SEMA6D: variants seen among roughly 807,000 people sequenced by gnomAD.
SEMA6D encodes semaphorin 6D.
In SEMA6D, 35 loss-of-function variants were observed where a neutral mutation model predicts 106.6. The observed-to-expected ratio is 0.33, with a 90% CI of 0.25 to 0.44. The LOEUF is 0.44. Ranked by LOEUF, SEMA6D falls within the 20% of genes least tolerant of loss-of-function variation. The probability of loss-of-function intolerance (pLI) is 1.00; values close to 1 mark genes in which losing one functional copy is unlikely to be tolerated. For synonymous variants in SEMA6D, 499 were observed against 487.7 expected (o/e 1.02, Z -0.31); for missense variants, 1,185 against 1,345.9 (o/e 0.88, Z 1.87).
rs748221359 is a variant in SEMA6D, at chr15:47,604,986, G to A, written c.-55+4090G>A. ...CTCCCAAAGTGCTGGGATTACAGGC[G>A]TGAGCCACTGCACCCGGCCTCACTG... On this transcript the variant is annotated intron_variant, in intron 4 of 19. Transcript: ENST00000558014. 3.3e-5 allele frequency among the ~76,000 whole-genome samples: 5 copies of A among 152,054 alleles called. No individual in the cohort carries two copies. In the South Asian group the frequency reaches 8.3e-4, roughly 25 times the overall value.
chr15:47,677,589 A>G (rs766069232), intron 4 of SEMA6D, among the ~76,000 whole-genome samples: 13 of 152,258 alleles, frequency 8.5e-5, no homozygotes, highest in Non-Finnish European at 1.9e-4. Flanking sequence ...AGTTTGCCAT[A>G]GTTACTGCTT....
At chr15:47,524,308 TG>T (rs2044682833) in intron 3 of SEMA6D, among the ~76,000 whole-genome samples, 1 of 152,130 alleles carries the variant, frequency 6.6e-6, no homozygotes, top group Non-Finnish European at 1.5e-5. Flanking sequence ...GACTGGGAAT[TG>T]TGCGGGAGAA....
At chr15:47,483,078 C>T (rs2043198342) in intron 3 of SEMA6D, among the ~76,000 whole-genome samples, 1 of 151,918 alleles carries the variant, frequency 6.6e-6, no homozygotes, top group Non-Finnish European at 1.5e-5. Flanking sequence ...TTGATAAGTA[C>T]AGTAAAAGTT....
At chr15:47,593,578 C>T (rs1427201427) in intron 3 of SEMA6D, among the ~76,000 whole-genome samples, 1 of 151,530 alleles carries the variant, frequency 6.6e-6, no homozygotes, top group Non-Finnish European at 1.5e-5. Flanking sequence ...ATTCTCCCTT[C>T]TTTAAAAATT....
intron 1 of SEMA6D, among the ~76,000 whole-genome samples, chr15:47,757,317 C>T (rs1282304295): frequency 6.6e-6 from 1 of 152,140 alleles, no homozygotes; most frequent in Non-Finnish European, 1.5e-5. Context: ...ATTATTTTTC[C>T]TGATATCCAG....
At chr15:47,402,658 A>G (rs2040434109) in intron 1 of SEMA6D, among the ~76,000 whole-genome samples, 1 of 151,304 alleles carries the variant, frequency 6.6e-6, no homozygotes, top group South Asian at 2.1e-4. Flanking sequence ...CATTGTACGT[A>G]TAGATCTGTT....
At chr15:47,655,173 A>G (rs1159310862) in intron 4 of SEMA6D, among the ~76,000 whole-genome samples, 1 of 152,202 alleles carries the variant, frequency 6.6e-6, no homozygotes, top group Non-Finnish European at 1.5e-5. Flanking sequence ...ATTTTCTTGA[A>G]TGGTTTCTAC....
intron 2 of SEMA6D, among the ~76,000 whole-genome samples, chr15:47,466,683 G>A (rs1261482823): frequency 6.6e-6 from 1 of 150,912 alleles, no homozygotes; most frequent in Non-Finnish European, 1.5e-5. Context: ...ATACCGAGAA[G>A]TGGAATTGCT....
intron 1 of SEMA6D, among the ~76,000 whole-genome samples, chr15:47,358,116 C>T (rs2038661134): frequency 6.6e-6 from 1 of 152,090 alleles, no homozygotes; most frequent in Admixed American, 6.5e-5. Context: ...TGAGTTTTTC[C>T]TAAGGCAGAT....
At chr15:47,359,081 G>T (rs982599649) in intron 1 of SEMA6D, among the ~76,000 whole-genome samples, 2 of 152,026 alleles carry the variant, frequency 1.3e-5, no homozygotes, top group East Asian at 1.9e-4. Flanking sequence ...AGGTATTCCC[G>T]CACAGGACTA....
At chr15:47,597,353 AT>A (rs551952361) in intron 3 of SEMA6D, among the ~76,000 whole-genome samples, 1 of 152,214 alleles carries the variant, frequency 6.6e-6, no homozygotes, top group Admixed American at 6.5e-5. Context: ...TGGTCCGGCA[AT>A]TCCACTACTG....
At chr15:47,739,469 G>A (rs908377374) in intron 1 of SEMA6D, among the ~76,000 whole-genome samples, 1 of 152,146 alleles carries the variant, frequency 6.6e-6, no homozygotes, top group African/African-American at 2.4e-5. Flanking sequence ...CAGGTCTCAG[G>A]GCTTTTAATC....
intron 1 of SEMA6D, chr15:47,730,848 G>T: frequency 2.2e-6 from 3 of 1,345,190 alleles, no homozygotes; most frequent in South Asian, 1.2e-5. Context: ...GCTCAAACGG[G>T]ATTCACCACT....
rs753943133 is a variant in SEMA6D at position 47,773,427 on chromosome 15, T to A, written c.*1642T>A. The A allele has an allele frequency of 6.6e-6, 1 of 152,622 alleles. No homozygotes were observed. Among genetic ancestry groups the A allele is most frequent in the Non-Finnish European group, 1.5e-5 (1 of 68,034 alleles). 9.5% of individuals were successfully genotyped at this position (152,622 alleles called of 1,614,324 possible). On this transcript the variant is annotated 3_prime_UTR_variant, in exon 19 of 19. Coordinates refer to ENST00000536845, the MANE Select transcript of SEMA6D (RefSeq NM_001358351.3). ...ACTTACGGCTGATGATGCGCAACCCTGCTGACTGTTTCAGTTAATATGCTG... is the reference window on the plus strand; with the variant it reads ...ACTTACGGCTGATGATGCGCAACCCAGCTGACTGTTTCAGTTAATATGCTG...
intron 1 of SEMA6D, among the ~76,000 whole-genome samples, chr15:47,349,565 C>A (rs2038226588): frequency 6.6e-6 from 1 of 152,074 alleles, no homozygotes; most frequent in Admixed American, 6.5e-5. Flanking sequence ...AATGTGAATG[C>A]TATTTTCATA....
At chr15:47,383,729 G>A (rs577064685) in intron 1 of SEMA6D, among the ~76,000 whole-genome samples, 1 of 152,172 alleles carries the variant, frequency 6.6e-6, no homozygotes, top group Admixed American at 6.5e-5. Context: ...CTAATGCCCA[G>A]ATTGAAGCTA....
intron 1 of SEMA6D, among the ~76,000 whole-genome samples, chr15:47,723,008 C>T (rs967735194): frequency 8.5e-5 from 13 of 152,050 alleles, no homozygotes; most frequent in Admixed American, 2.0e-4. Context: ...TTAGGCTTCC[C>T]GACATCTCAG....
intron 3 of SEMA6D, among the ~76,000 whole-genome samples, chr15:47,555,597 T>G (rs1366012174): frequency 6.6e-6 from 1 of 152,124 alleles, no homozygotes; most frequent in Non-Finnish European, 1.5e-5. Context: ...AATCATGTGG[T>G]GGTGGGGAGT....
chr15:47,320,070 T>TTG (rs2036863563), intron 1 of SEMA6D, among the ~76,000 whole-genome samples: 6 of 152,128 alleles, frequency 3.9e-5, no homozygotes, highest in Non-Finnish European at 8.8e-5. Flanking sequence ...TTTAAAAACA[T>TTG]ATGTTCACCT....
Sources: gnomAD v4.1 joint callset for allele counts (sites outside exome capture counted in the v4.1 genomes callset) on GRCh38, gnomAD v4.1.1 for gene constraint, MANE v1.5 for transcripts, NCBI Gene and HGNC (gene_info 2026-07-23, HGNC 2026-07-21) for gene names.